The following ZNF727 variants were observed in gnomAD, a reference collection of about 807,000 sequenced individuals.
ZNF727 encodes zinc finger protein 727, also known as putative zinc finger protein 727.
ZNF727 carries 11 observed loss-of-function variants against 11.5 expected under a neutral mutation model. The ratio of observed to expected loss-of-function variants is 0.95; its 90% CI spans 0.60 to 1.58. The LOEUF (loss-of-function observed/expected upper bound fraction) is 1.58, where lower values mean the gene tolerates loss of function less well. Among genes scored for constraint, ZNF727 ranks in the 40% most tolerant of loss-of-function variants. The probability of loss-of-function intolerance (pLI) is 0.00; values close to 1 mark genes in which losing one functional copy is unlikely to be tolerated. For missense variants in ZNF727, 533 were observed against 581.7 expected, an observed-to-expected ratio of 0.92 and a Z score of 0.86; for synonymous variants, 171 against 196.1, an observed-to-expected ratio of 0.87 and a Z score of 1.07.
At chr7:64,051,808 T>A (rs1461930918) in intron 1 of ZNF727, among the ~76,000 whole-genome samples, 7 of 152,238 alleles carry the variant, frequency 4.6e-5, no homozygotes, top group Non-Finnish European at 1.0e-4. Flanking sequence ...CTTACTAGAA[T>A]TTAGCCAGGC....
intron 3 of ZNF727, among the ~76,000 whole-genome samples, chr7:64,072,150 G>A (rs1213336518): frequency 6.6e-6 from 1 of 152,000 alleles, no homozygotes; most frequent in Non-Finnish European, 1.5e-5. Flanking sequence ...GGGATTTATT[G>A]AATCTAAATT....
chr7:64,065,200 T>C (rs1205189701), intron 1 of ZNF727, among the ~76,000 whole-genome samples: 1 of 152,046 alleles, frequency 6.6e-6, no homozygotes, highest in African/African-American at 2.4e-5. Context: ...CAACCACGAG[T>C]GCTTTCAGAT....
intron 1 of ZNF727, among the ~76,000 whole-genome samples, chr7:64,064,978 C>T (rs540241370): frequency 6.6e-6 from 1 of 152,272 alleles, no homozygotes; most frequent in Non-Finnish European, 1.5e-5. Flanking sequence ...TTCAGTGCCT[C>T]TTTCATGTGA....
chr7:64,048,082 G>C (rs868672043), intron 1 of ZNF727, among the ~76,000 whole-genome samples: 3 of 152,160 alleles, frequency 2.0e-5, no homozygotes, highest in South Asian at 2.1e-4. Context: ...GTTCCAGTCA[G>C]CACTACTTCA....
rs547506848 is a variant in ZNF727, at chr7:64,079,416, A to G, written c.*867A>G. On this transcript the variant is annotated 3_prime_UTR_variant, in exon 4 of 4. Coordinates refer to ENST00000456806, the MANE Select transcript of ZNF727 (RefSeq NM_001159522.3). ...GGGTGCTTTTGTGTTGGATGCATATATAGCCCTTTACTATTATGTAATGCC... is the reference window on the plus strand; with the variant it reads ...GGGTGCTTTTGTGTTGGATGCATATGTAGCCCTTTACTATTATGTAATGCC... Among the ~76,000 whole-genome samples, 2 of 152,250 alleles carry G rather than the reference A, an allele frequency of 1.3e-5. No homozygotes were observed. The highest frequency in any genetic ancestry group is 4.2e-4 in the South Asian group (2 of 4,818).
chr7:64,082,807 A>G lies in ZNF727; in HGVS notation c.*4258A>G, dbSNP rs1311488524. On this transcript the variant is annotated 3_prime_UTR_variant, in exon 4 of 4. Coordinates refer to ENST00000456806, the MANE Select transcript of ZNF727 (RefSeq NM_001159522.3). ...TGAGGCAGGAGAATTGCTTGAACCC[A>G]GGAGGCAGATGTTGCTGTGAGCGGA... Among the ~76,000 whole-genome samples the G allele has an allele frequency of 1.3e-5, 2 of 151,968 alleles. No homozygotes were observed. The highest frequency in any genetic ancestry group is 2.4e-5 in the African/African-American group (1 of 41,382).
intron 1 of ZNF727, among the ~76,000 whole-genome samples, chr7:64,047,411 TA>T (rs1789525684): frequency 6.6e-6 from 1 of 152,148 alleles, no homozygotes; most frequent in Non-Finnish European, 1.5e-5. Flanking sequence ...AAGCAGAGAG[TA>T]ATCACCTGAC....
At chr7:64,055,199 A>G (rs1789663811) in intron 1 of ZNF727, among the ~76,000 whole-genome samples, 1 of 152,138 alleles carries the variant, frequency 6.6e-6, no homozygotes, top group Admixed American at 6.6e-5. Flanking sequence ...TTCGCGGATC[A>G]CAAGGTCAGG....
chr7:64,078,542 T>C lies in ZNF727; in HGVS notation c.1493T>C (p.Ile498Thr). ...GGTGGTTCTCAGACCTTACTAAACA[T>C]AAGGTAATTCATACTGGAGATAAAC... ...PLGGSQTLLN[I>T]R Residue 498 changes from isoleucine to threonine, a missense_variant, in exon 4 of 4, where the codon ATA becomes ACA. Around this residue, in one of 3 missense-constraint regions of ZNF727, gnomAD observed 54 missense variants for 48.6 expected, o/e 1.11. Transcript: ENST00000456806. 1 of 1,558,062 alleles carries C rather than the reference T, an allele frequency of 6.4e-7. No homozygotes were observed. Among genetic ancestry groups the C allele is most frequent in the East Asian group, 2.4e-5 (1 of 41,802 alleles).
chr7:64,064,547 C>T (rs1789833189), intron 1 of ZNF727, among the ~76,000 whole-genome samples: 1 of 152,190 alleles, frequency 6.6e-6, no homozygotes, highest in Non-Finnish European at 1.5e-5. Flanking sequence ...CTGTGAACTG[C>T]ACTGCCTGTG....
At chr7:64,050,228 G>T (rs545282225) in intron 1 of ZNF727, among the ~76,000 whole-genome samples, 1 of 151,632 alleles carries the variant, frequency 6.6e-6, no homozygotes, top group Non-Finnish European at 1.5e-5. Flanking sequence ...CTTTAATTTA[G>T]TACCATGTAG....
intron 1 of ZNF727, among the ~76,000 whole-genome samples, chr7:64,067,468 C>A (rs1014097532): frequency 2.6e-5 from 4 of 152,052 alleles, no homozygotes; most frequent in African/African-American, 9.7e-5. Flanking sequence ...TTTACAATAG[C>A]AAAGGCATGG....
chr7:64,082,611 C>CAG lies in ZNF727; in HGVS notation c.*4063_*4064insGA, dbSNP rs1351709808. On this transcript the variant is annotated 3_prime_UTR_variant, in exon 4 of 4. Coordinates refer to ENST00000456806, the MANE Select transcript of ZNF727 (RefSeq NM_001159522.3). The stretch of plus-strand genomic sequence containing the variant: ...GCAGTGTAGGCTGGGCGCAGTGGCT[C>CAG]ATGCCTGTAACCCTAGCACTTTGGG... 1.3e-5 allele frequency among the ~76,000 whole-genome samples: 2 copies of CAG among 152,188 alleles called. No individual in the cohort carries two copies. The highest frequency in any genetic ancestry group is 1.3e-4 in the Admixed American group (2 of 15,282).
In ZNF727 at chr7:64,045,585, C is replaced by A; in HGVS notation, c.-37C>A. On this transcript the variant is annotated 5_prime_UTR_variant, in exon 1 of 4. Transcript: ENST00000456806. ...CTGTGACCTGCAGGTACTGGGAGAT[C>A]CATAGGGAAGAAGGCGGAACATCCG... 1 of 1,553,400 alleles carries A rather than the reference C, an allele frequency of 6.4e-7. No individual in the cohort carries two copies. The highest frequency in any genetic ancestry group is 8.7e-7 in the Non-Finnish European group (1 of 1,147,934).
rs1785845138 is a variant in ZNF727 at position 64,084,603 on chromosome 7, A to G, written c.*6054A>G. Among the ~76,000 whole-genome samples the G allele has an allele frequency of 6.6e-6, 1 of 152,198 alleles. No homozygotes were observed. Among genetic ancestry groups the G allele is most frequent in the African/African-American group, 2.4e-5 (1 of 41,462 alleles). ...TTTCTTGTAACTACAGGTTATTATGATGTTTGTAATGAAGATGAGTATAAT... is the reference window on the plus strand; with the variant it reads ...TTTCTTGTAACTACAGGTTATTATGGTGTTTGTAATGAAGATGAGTATAAT... On this transcript the variant is annotated 3_prime_UTR_variant, in exon 4 of 4. Coordinates refer to ENST00000456806, the MANE Select transcript of ZNF727 (RefSeq NM_001159522.3).
Position 64,082,783 on chromosome 7 carries a change from G to A in ZNF727, c.*4234G>A, listed in dbSNP as rs1255197644. On this transcript the variant is annotated 3_prime_UTR_variant, in exon 4 of 4. Coordinates refer to ENST00000456806, the MANE Select transcript of ZNF727 (RefSeq NM_001159522.3). ...AGTAGTCTCAGCTAATCGGGAGGCT[G>A]AGGCAGGAGAATTGCTTGAACCCAG... Among the ~76,000 whole-genome samples the A allele has an allele frequency of 6.6e-6, 1 of 152,166 alleles. No homozygotes were observed. The highest frequency in any genetic ancestry group is 1.5e-5 in the Non-Finnish European group (1 of 68,038).
chr7:64,073,332 A>G (rs1235985114), intron 3 of ZNF727, among the ~76,000 whole-genome samples: 3 of 149,470 alleles, frequency 2.0e-5, no homozygotes, highest in African/African-American at 4.9e-5. Context: ...ATGACTCAAT[A>G]TTTATAAGTA....
At chr7:64,069,669 G>T in intron 3 of ZNF727, 60 bp downstream of exon 3, 1 of 1,314,170 alleles carries the variant, frequency 7.6e-7, no homozygotes. Flanking sequence ...CAAGGAGGAA[G>T]CCAGACCTTG....
intron 3 of ZNF727, among the ~76,000 whole-genome samples, chr7:64,073,579 G>T (rs561594273): frequency 1.0e-3 from 157 of 151,918 alleles, no homozygotes; most frequent in East Asian, 2.5e-3. Context: ...TTTAAGTGGG[G>T]TACGTTTTCT....
Sources: allele counts gnomAD v4.1 joint callset (sites outside exome capture counted in the v4.1 genomes callset), GRCh38; gene constraint gnomAD v4.1.1; regional missense constraint gnomAD v4.1.1; transcripts MANE v1.5; gene names NCBI Gene and HGNC (gene_info 2026-07-23, HGNC 2026-07-21).